LGR6: variants seen among roughly 807,000 people sequenced by gnomAD.
LGR6 encodes the protein leucine-rich repeat-containing G protein-coupled receptor 6.
A neutral mutation model predicts 69.4 loss-of-function variants in LGR6; 45 were observed. The ratio of observed to expected loss-of-function variants is 0.65; its 90% confidence interval spans 0.51 to 0.83. The LOEUF is 0.83. Among genes scored for constraint, LGR6 ranks in the 40% least tolerant of loss-of-function variants. The probability of loss-of-function intolerance (pLI) is 0.00; values close to 1 mark genes in which losing one functional copy is unlikely to be tolerated. For synonymous variants in LGR6, 538 were observed against 555.0 expected, an observed-to-expected ratio of 0.97 and a Z score of 0.43; for missense variants, 1,108 against 1,246.7, an observed-to-expected ratio of 0.89 and a Z score of 1.68.
At chr1:202,237,185 C>T (rs925923150) in intron 4 of LGR6, among the ~76,000 whole-genome samples, 2 of 152,182 alleles carry the variant, frequency 1.3e-5, no homozygotes, top group South Asian at 2.1e-4. Context: ...CAGCTTCTGC[C>T]CCCCCTTCCC....
chr1:202,303,102 C>G (rs934208799), intron 9 of LGR6, among the ~76,000 whole-genome samples, 177 bp from the exon 10 acceptor site: 1 of 152,116 alleles, frequency 6.6e-6, no homozygotes, highest in Non-Finnish European at 1.5e-5. Flanking sequence ...TTGGACCCTG[C>G]TAAGTATGGC....
intron 4 of LGR6, among the ~76,000 whole-genome samples, chr1:202,266,887 C>T (rs1464801982): frequency 1.5e-5 from 2 of 133,978 alleles, no homozygotes; most frequent in Non-Finnish European, 3.3e-5. Context: ...CTCTCTTTTC[C>T]TCTCTCTCTA....
At chr1:202,217,428 G>A (rs1314665003) in intron 1 of LGR6, among the ~76,000 whole-genome samples, 1 of 151,834 alleles carries the variant, frequency 6.6e-6, no homozygotes, top group East Asian at 1.9e-4. Flanking sequence ...GACTTCCATG[G>A]TCTTTTAACT....
At chr1:202,211,713 T>C (rs1659469243) in intron 1 of LGR6, among the ~76,000 whole-genome samples, 1 of 152,134 alleles carries the variant, frequency 6.6e-6, no homozygotes, top group African/African-American at 2.4e-5. Flanking sequence ...AAAGCGTACA[T>C]ATCATAAGTG....
chr1:202,214,187 G>A (rs367967876), intron 1 of LGR6: 140 of 1,531,910 alleles, frequency 9.1e-5, no homozygotes, highest in Non-Finnish European at 1.2e-4. Context: ...GCTCAGCGAG[G>A]GCGGGACAGA....
intron 6 of LGR6, among the ~76,000 whole-genome samples, chr1:202,292,709 C>G (rs1261408982): frequency 6.6e-6 from 1 of 152,214 alleles, no homozygotes; most frequent in Non-Finnish European, 1.5e-5. Flanking sequence ...TAAGCCAGCA[C>G]TGCCCAGTAG....
chr1:202,242,202 A>T (rs2148026463), intron 4 of LGR6, among the ~76,000 whole-genome samples: 1 of 152,334 alleles, frequency 6.6e-6, no homozygotes, highest in Non-Finnish European at 1.5e-5. Flanking sequence ...TTCCCATGTT[A>T]TAGATGAGGC....
At chr1:202,295,566 A>G (rs1026891385) in intron 6 of LGR6, among the ~76,000 whole-genome samples, 4 of 152,158 alleles carry the variant, frequency 2.6e-5, no homozygotes, top group Non-Finnish European at 5.9e-5. Context: ...CTGGTTTTCT[A>G]GGCATTTTCT....
At chr1:202,304,807 C>T (rs944050603) in intron 11 of LGR6, among the ~76,000 whole-genome samples, 177 bp downstream of exon 11, 17 of 152,190 alleles carry the variant, frequency 1.1e-4, no homozygotes, top group African/African-American at 4.1e-4. Flanking sequence ...AGCTCTGCCA[C>T]TTACTAGCTG....
intron 10 of LGR6, 71 bp from the exon 11 acceptor site, chr1:202,304,488 G>A: frequency 8.9e-7 from 1 of 1,124,952 alleles, no homozygotes. Context: ...CAGGTCCAGA[G>A]CTGGAGCGGG....
rs1255163984 is a variant in LGR6 at position 202,239,767 on chromosome 1, T to C, written c.428+3774T>C. The stretch of plus-strand genomic sequence containing the variant: ...TTGTTTGGGTTCACCTCTCAGCTTC[T>C]TCACTTACTCACTTACTGCCTATAA... On this transcript the variant is annotated intron_variant, in intron 4 of 17. Transcript: ENST00000367278. Among the ~76,000 whole-genome samples the C allele has an allele frequency of 2.0e-5, 3 of 152,184 alleles. No homozygotes were observed. The East Asian group carries it at 5.8e-4, about 29-fold the overall frequency.
intron 6 of LGR6, among the ~76,000 whole-genome samples, chr1:202,283,424 G>A (rs1161087454): frequency 6.6e-6 from 1 of 152,170 alleles, no homozygotes; most frequent in East Asian, 1.9e-4. Flanking sequence ...TGCATAATTG[G>A]CACGCTTTGC....
At chr1:202,196,565 A>C (rs1435003266) in intron 1 of LGR6, among the ~76,000 whole-genome samples, 1 of 152,106 alleles carries the variant, frequency 6.6e-6, no homozygotes, top group African/African-American at 2.4e-5. Flanking sequence ...ACTGAGAATC[A>C]CTCACTGAAC....
intron 4 of LGR6, among the ~76,000 whole-genome samples, chr1:202,261,821 TC>T (rs1440661673): frequency 6.6e-6 from 1 of 152,246 alleles, no homozygotes; most frequent in African/African-American, 2.4e-5. Flanking sequence ...GATTTGCATT[TC>T]TCTGATGGCC....
At chr1:202,293,728 G>A (rs369599940) in intron 6 of LGR6, among the ~76,000 whole-genome samples, 1 of 152,102 alleles carries the variant, frequency 6.6e-6, no homozygotes. Flanking sequence ...CTGTGTAGAC[G>A]TCCAAATGGG....
At position 202,280,995 on chromosome 1, in the gene LGR6, C is replaced by T. The variant is rs924891184; in HGVS notation, c.716+143C>T. On this transcript the variant is annotated intron_variant, in intron 6 of 17. Transcript: ENST00000367278. The stretch of plus-strand genomic sequence containing the variant: ...CCCGGGCTTGTTTACCCACATGCCC[C>T]TCCCTGGCACTTTCTCTGGAATATC... The T allele has an allele frequency of 1.4e-5, 9 of 634,560 alleles. 1 individual carries two copies. Among genetic ancestry groups the T allele is most frequent in the Admixed American group, 6.1e-5 (2 of 32,704 alleles). The allele number at this position is 634,560 out of a possible 1,614,324, so 39.3% of individuals were successfully genotyped here. A position where few individuals can be genotyped will look rare whatever the true frequency, so the allele number is the denominator to read the frequency against.
chr1:202,298,906 A>C (rs1667372470), intron 7 of LGR6, among the ~76,000 whole-genome samples: 1 of 151,634 alleles, frequency 6.6e-6, no homozygotes, highest in Admixed American at 6.6e-5. Flanking sequence ...CCTCATCCAG[A>C]AGTTTGAAGG....
rs139830056 is a variant in LGR6, at chr1:202,304,979, T to G, written c.1070+349T>G. On this transcript the variant is annotated intron_variant, in intron 11 of 17. Transcript: ENST00000367278. ...ATTTTACACAAGAAAATTAGTCCCC[T>G]CTTGGGATCTTGGGACTGTGGAGGT... Among the ~76,000 whole-genome samples the G allele has an allele frequency of 1.0e-3, 155 of 152,318 alleles. 1 individual carries two copies. Among genetic ancestry groups the G allele is most frequent in the African/African-American group, 3.4e-3 (141 of 41,564 alleles).
Position 202,319,007 on chromosome 1 carries a change from A to G in LGR6, c.2704A>G (p.Ile902Val). 2 of 1,613,876 alleles carry G rather than the reference A, an allele frequency of 1.2e-6. No homozygotes were observed. The highest frequency in any genetic ancestry group is 1.3e-5 in the African/African-American group (1 of 75,022). ...CTATGGCTTCCCCTCAGTGACCCTC[A>G]TCTCCTGTCAGCAGCCAGGGGCCCC... Reference protein sequence around the residue: ...ETYGFPSVTLISCQQPGAPRL... With the variant: ...ETYGFPSVTLVSCQQPGAPRL... The change falls in exon 18 of 18, where the codon ATC becomes GTC. Residue 902 changes from isoleucine (I) to valine (V), a missense_variant. Ile to Val is a conservative substitution (Grantham distance 29). Transcript: ENST00000367278.
Sources: allele counts gnomAD v4.1 joint callset (sites outside exome capture counted in the v4.1 genomes callset), GRCh38; gene constraint gnomAD v4.1.1; transcripts MANE v1.5; gene names NCBI Gene and HGNC (gene_info 2026-07-23, HGNC 2026-07-21).